The following MGAT4C variants were observed in gnomAD, a reference collection of about 807,000 sequenced individuals.
MGAT4C encodes the protein MGAT4 family member C, also known as alpha-1,3-mannosyl-glycoprotein 4-beta-N-acetylglucosaminyltransferase C.
In MGAT4C, 19 loss-of-function variants were observed where a neutral mutation model predicts 40.1. The observed-to-expected ratio is 0.47, with a 90% CI of 0.33 to 0.70. The LOEUF is 0.70. MGAT4C is among the 30% of genes least tolerant of loss of function. The pLI is 0.02. For synonymous variants in MGAT4C, 181 were observed against 187.1 expected (o/e 0.97, Z 0.27); for missense variants, 491 against 563.2 (o/e 0.87, Z 1.30).
chr12:85,979,267 C>T lies in MGAT4C; in HGVS notation c.*22G>A, dbSNP rs1884252045. The T allele has an allele frequency of 6.5e-7, 1 of 1,540,878 alleles. No homozygotes were observed. The highest frequency in any genetic ancestry group is 8.8e-7 in the Non-Finnish European group (1 of 1,141,732). On this transcript the variant is annotated 3_prime_UTR_variant, in exon 5 of 5. Coordinates refer to ENST00000611864, the MANE Select transcript of MGAT4C (RefSeq NM_001351288.2). ...GAAGCAGGAAGAACTGCTTCAGAAACTGAACATACTGATTTAATTGGCTAA... is the reference window on the plus strand; with the variant it reads ...GAAGCAGGAAGAACTGCTTCAGAAATTGAACATACTGATTTAATTGGCTAA...
At chr12:86,707,227 A>G (rs1309642724) in intron 2 of MGAT4C, among the ~76,000 whole-genome samples, 1 of 152,202 alleles carries the variant, frequency 6.6e-6, no homozygotes, top group Non-Finnish European at 1.5e-5. Flanking sequence ...ACTAAGTAAC[A>G]GGCAGAGGTT....
chr12:86,093,254 A>G (rs1873209397), intron 1 of MGAT4C, among the ~76,000 whole-genome samples: 1 of 151,998 alleles, frequency 6.6e-6, no homozygotes, highest in Non-Finnish European at 1.5e-5. Flanking sequence ...GTTCCTTTCT[A>G]CTGACTCTTT....
chr12:86,829,799 A>C (rs745563199), intron 1 of MGAT4C, among the ~76,000 whole-genome samples: 5 of 150,534 alleles, frequency 3.3e-5, no homozygotes, highest in Non-Finnish European at 7.4e-5. Flanking sequence ...GCTTGAAAAG[A>C]CCTTAAGGTA....
At chr12:85,980,532 T>C (rs1884469422) in intron 4 of MGAT4C, 102 bp from the exon 5 acceptor site, 1 of 1,031,242 alleles carries the variant, frequency 9.7e-7, no homozygotes, top group Non-Finnish European at 1.4e-6. Flanking sequence ...TTACTACATA[T>C]TAAGTAAATC....
intron 2 of MGAT4C, among the ~76,000 whole-genome samples, chr12:86,665,670 C>A (rs767761773): frequency 1.3e-5 from 2 of 151,972 alleles, no homozygotes; most frequent in Non-Finnish European, 2.9e-5. Context: ...CGCTCCCAGC[C>A]GGAAAAGTTA....
chr12:86,756,190 C>T (rs1468759040), intron 1 of MGAT4C, among the ~76,000 whole-genome samples: 8 of 151,990 alleles, frequency 5.3e-5, no homozygotes, highest in African/African-American at 1.9e-4. Flanking sequence ...TCAAAGTGTT[C>T]TTGTTGAAGC....
intron 2 of MGAT4C, among the ~76,000 whole-genome samples, chr12:86,689,459 T>C (rs529938395): frequency 1.3e-5 from 2 of 152,302 alleles, no homozygotes; most frequent in East Asian, 1.9e-4. Context: ...TATCTACCTT[T>C]GATATTTGAG....
At chr12:86,428,070 A>C (rs906568553) in intron 3 of MGAT4C, among the ~76,000 whole-genome samples, 11 of 152,082 alleles carry the variant, frequency 7.2e-5, no homozygotes, top group Non-Finnish European at 7.4e-5. Context: ...CAACAAAAAA[A>C]CCCGCTAATA....
At chr12:86,258,013 A>T (rs1952571591), upstream of MGAT4C, among the ~76,000 whole-genome samples, 1 of 44,352 alleles carries the variant, frequency 2.3e-5, no homozygotes, top group Admixed American at 2.6e-4. Flanking sequence ...TATTACATAA[A>T]TATAAGATAA....
intron 2 of MGAT4C, among the ~76,000 whole-genome samples, chr12:86,507,503 C>A (rs1361720839): frequency 6.6e-6 from 1 of 152,042 alleles, no homozygotes; most frequent in African/African-American, 2.4e-5. Context: ...TGGGTTTGTT[C>A]TCTAGTTTTT....
At chr12:86,736,784 A>G (rs1439600958) in intron 1 of MGAT4C, among the ~76,000 whole-genome samples, 1 of 151,826 alleles carries the variant, frequency 6.6e-6, no homozygotes, top group East Asian at 1.9e-4. Flanking sequence ...CAAATTACAA[A>G]AACTGTCTCT....
chr12:86,686,925 G>T (rs929466687), intron 2 of MGAT4C, among the ~76,000 whole-genome samples: 21 of 152,164 alleles, frequency 1.4e-4, no homozygotes, highest in Non-Finnish European at 3.1e-4. Context: ...GCTCCTCTTT[G>T]TACCTCTGGT....
chr12:86,307,294 A>T (rs1592677192), intron 4 of MGAT4C, among the ~76,000 whole-genome samples: 1 of 150,846 alleles, frequency 6.6e-6, no homozygotes, highest in South Asian at 2.1e-4. Context: ...ATTAACTAGC[A>T]GCATTGGCAT....
chr12:86,770,419 C>T (rs78407988), intron 1 of MGAT4C, among the ~76,000 whole-genome samples: 2,882 of 152,064 alleles, frequency 0.019, 34 homozygotes, highest in African/African-American at 0.038. Flanking sequence ...CTGTTGTTTG[C>T]ATTTTGTTAA....
chr12:86,509,369 G>A (rs899958919), intron 2 of MGAT4C, among the ~76,000 whole-genome samples: 1 of 152,124 alleles, frequency 6.6e-6, no homozygotes, highest in African/African-American at 2.4e-5. Flanking sequence ...TCAGATAGTT[G>A]TAGATATGCA....
chr12:86,358,792 A>G (rs1955379447), intron 3 of MGAT4C, among the ~76,000 whole-genome samples: 1 of 152,252 alleles, frequency 6.6e-6, no homozygotes, highest in Non-Finnish European at 1.5e-5. Context: ...CTAAATGTAT[A>G]TGCACCCAAT....
At chr12:86,111,915 A>C (rs1212550319) in intron 1 of MGAT4C, among the ~76,000 whole-genome samples, 1 of 151,888 alleles carries the variant, frequency 6.6e-6, no homozygotes, top group Non-Finnish European at 1.5e-5. Context: ...GTGTATCACC[A>C]GTCATTTCAA....
At chr12:86,323,493 T>C (rs991651151) in intron 4 of MGAT4C, among the ~76,000 whole-genome samples, 1 of 151,704 alleles carries the variant, frequency 6.6e-6, no homozygotes, top group Non-Finnish European at 1.5e-5. Flanking sequence ...TTTTTCAATA[T>C]GCAGAAGGCA....
chr12:86,391,765 CAGG>C (rs763661504), intron 3 of MGAT4C, among the ~76,000 whole-genome samples: 1 of 151,972 alleles, frequency 6.6e-6, no homozygotes, highest in African/African-American at 2.4e-5. Flanking sequence ...GAGGCTGAGG[CAGG>C]AGAATGGTGT....
Sources: allele counts gnomAD v4.1 joint callset (sites outside exome capture counted in the v4.1 genomes callset), GRCh38; gene constraint gnomAD v4.1.1; transcripts MANE v1.5; gene names NCBI Gene and HGNC (gene_info 2026-07-23, HGNC 2026-07-21).